The following CD96 variants were observed in gnomAD, a reference collection of about 807,000 sequenced individuals.
The protein encoded by CD96 is T-cell surface protein tactile.
In CD96, 70 loss-of-function variants were observed where a neutral mutation model predicts 71.3. The observed-to-expected ratio is 0.98, with a 90% CI of 0.81 to 1.20. The LOEUF (loss-of-function observed/expected upper bound fraction) is 1.20. Ranked by LOEUF, CD96 falls within the 50% of genes most tolerant of loss-of-function variation. The pLI, the probability that CD96 is intolerant of heterozygous loss-of-function variation, is 0.00. For synonymous variants in CD96, 248 were observed against 233.0 expected, an observed-to-expected ratio of 1.06 and a Z score of -0.59; for missense variants, 742 against 677.5, an observed-to-expected ratio of 1.10 and a Z score of -1.06.
At chr3:111,606,470 A>G (rs1156369801) in intron 7 of CD96, among the ~76,000 whole-genome samples, 1 of 152,092 alleles carries the variant, frequency 6.6e-6, no homozygotes, top group Non-Finnish European at 1.5e-5. Flanking sequence ...CTGTCATGGT[A>G]CTCAACACAA....
At chr3:111,592,789 T>A (rs1463213910) in intron 5 of CD96, 5 of 152,368 alleles carry the variant, frequency 3.3e-5, no homozygotes, top group African/African-American at 1.2e-4. Flanking sequence ...ATATAATCTA[T>A]ACTGAATGTT....
At chr3:111,647,088 T>TAAAA (rs11337310) in intron 12 of CD96, among the ~76,000 whole-genome samples, 11 of 98,914 alleles carry the variant, frequency 1.1e-4, no homozygotes, top group African/African-American at 4.0e-4. Context: ...GGGTAAAGAT[T>TAAAA]AAAAAAAAAA....
intron 7 of CD96, 36 bp downstream of exon 7, chr3:111,600,950 G>A (rs753811168): frequency 1.6e-6 from 2 of 1,277,306 alleles, no homozygotes; most frequent in Admixed American, 1.7e-5. Flanking sequence ...ACAAGAGTTT[G>A]CTAAGACTGC....
At chr3:111,570,409 C>A (rs1196783529) in intron 3 of CD96, among the ~76,000 whole-genome samples, 1 of 152,098 alleles carries the variant, frequency 6.6e-6, no homozygotes, top group Non-Finnish European at 1.5e-5. Context: ...GCACCTTCCC[C>A]ACCTCCTGCC....
At chr3:111,636,827 T>C (rs1490458287) in intron 10 of CD96, among the ~76,000 whole-genome samples, 1 of 152,214 alleles carries the variant, frequency 6.6e-6, no homozygotes, top group South Asian at 2.1e-4. Context: ...TGGCAGCTTT[T>C]CTTGACTAAA....
intron 5 of CD96, among the ~76,000 whole-genome samples, chr3:111,597,347 A>G (rs1014698485): frequency 4.6e-5 from 7 of 152,240 alleles, no homozygotes; most frequent in African/African-American, 1.7e-4. Flanking sequence ...TAGCATTGAA[A>G]ATAAAACATA....
chr3:111,608,308 A>C (rs755612850), intron 8 of CD96, among the ~76,000 whole-genome samples: 2 of 152,244 alleles, frequency 1.3e-5, no homozygotes, highest in African/African-American at 2.4e-5. Context: ...TTTATGGCTT[A>C]GTCTCCAAAA....
At chr3:111,594,789 CA>C (rs1937177754) in intron 5 of CD96, 1 of 167,244 alleles carries the variant, frequency 6.0e-6, no homozygotes, top group African/African-American at 2.4e-5. Flanking sequence ...GTGCAGGAGA[CA>C]ATCTTGCTTC....
chr3:111,649,993 A>G lies in CD96; in HGVS notation c.*187A>G. ...ATCTCCAAACGCCTGAAGCTTAACC[A>G]AGAGTGAGAGGATATGTCATGTTCA... On this transcript the variant is annotated 3_prime_UTR_variant, in exon 14 of 14. Coordinates refer to ENST00000352690, the MANE Select transcript of CD96 (RefSeq NM_005816.5). 1 of 633,784 alleles carries G rather than the reference A, an allele frequency of 1.6e-6. No individual in the cohort carries two copies. The highest frequency in any genetic ancestry group is 2.9e-6 in the Non-Finnish European group (1 of 346,292). 39.3% of individuals were successfully genotyped at this position (633,784 alleles called of 1,614,324 possible).
chr3:111,557,143 C>T (rs1443013436), intron 2 of CD96, among the ~76,000 whole-genome samples: 1 of 108,748 alleles, frequency 9.2e-6, no homozygotes, highest in Admixed American at 9.4e-5. Context: ...AATTTTCTCC[C>T]ATTTTGTAGG....
chr3:111,633,084 T>G (rs113134521), intron 10 of CD96, among the ~76,000 whole-genome samples: 1 of 152,306 alleles, frequency 6.6e-6, no homozygotes, highest in African/African-American at 2.4e-5. Flanking sequence ...AGCATTTGAT[T>G]TAAAGTGAGA....
intron 14 of CD96, among the ~76,000 whole-genome samples, chr3:111,663,677 C>T (rs1940408880): frequency 6.6e-6 from 1 of 151,928 alleles, no homozygotes; most frequent in Non-Finnish European, 1.5e-5. Context: ...CATCTCCCGC[C>T]AGCCAGAATG....
At chr3:111,572,864 C>T (rs1461317064) in intron 3 of CD96, among the ~76,000 whole-genome samples, 2 of 152,212 alleles carry the variant, frequency 1.3e-5, no homozygotes, top group Non-Finnish European at 2.9e-5. Flanking sequence ...TGCCTGATCT[C>T]ATGCCAAGGC....
At chr3:111,643,084 A>AC (rs1201335526) in intron 12 of CD96, among the ~76,000 whole-genome samples, 2 of 151,216 alleles carry the variant, frequency 1.3e-5, no homozygotes, top group Non-Finnish European at 3.0e-5. Context: ...AAAAAAAAAA[A>AC]AAAAAACTAG....
chr3:111,561,094 C>G (rs1329670220), intron 2 of CD96, among the ~76,000 whole-genome samples: 1 of 129,706 alleles, frequency 7.7e-6, no homozygotes, highest in East Asian at 2.2e-4. Flanking sequence ...ATTGGTTATT[C>G]TAGTTATACA....
intron 3 of CD96, chr3:111,570,731 G>A: frequency 3.7e-6 from 6 of 1,613,198 alleles, no homozygotes; most frequent in Non-Finnish European, 5.1e-6. Context: ...GGTTGATCTT[G>A]TCCAGATACT....
Position 111,623,263 on chromosome 3 carries a change from G to A in CD96, c.1181-491G>A, listed in dbSNP as rs568375803. 3.9e-5 allele frequency among the ~76,000 whole-genome samples: 6 copies of A among 152,080 alleles called. No individual in the cohort carries two copies. The East Asian group carries it at 1.2e-3, about 29-fold the overall frequency. ...GTCTTTCATTTTGGGGGAGTGAGGG[G>A]GAAGGAAGAGAATGTAACAATTATG... On this transcript the variant is annotated intron_variant, in intron 8 of 13. Coordinates refer to ENST00000352690, the MANE Select transcript of CD96 (RefSeq NM_005816.5).
Position 111,621,257 on chromosome 3 carries a change from T to C in CD96, c.1181-2497T>C, listed in dbSNP as rs541000706. The stretch of plus-strand genomic sequence containing the variant: ...TTTTTCATCATCCTCATTATGACAA[T>C]TGTTATCATAGCACCACTGTTAAGA... On this transcript the variant is annotated intron_variant, in intron 8 of 13. Coordinates refer to ENST00000352690, the MANE Select transcript of CD96 (RefSeq NM_005816.5). Among the ~76,000 whole-genome samples, 3 of 152,350 alleles carry C rather than the reference T, an allele frequency of 2.0e-5. No homozygotes were observed. In the East Asian group the frequency reaches 5.8e-4, roughly 29 times the overall value.
intron 12 of CD96, among the ~76,000 whole-genome samples, chr3:111,639,446 AC>A (rs1424668909): frequency 6.6e-6 from 1 of 151,500 alleles, no homozygotes; most frequent in East Asian, 1.9e-4. Context: ...TGGGAATCTC[AC>A]CCCCATCCCC....
Sources: gnomAD v4.1 joint callset for allele counts (sites outside exome capture counted in the v4.1 genomes callset) on GRCh38, gnomAD v4.1.1 for gene constraint, MANE v1.5 for transcripts, NCBI Gene and HGNC (gene_info 2026-07-23, HGNC 2026-07-21) for gene names.